The following GPC5 variants were observed in gnomAD, a reference collection of about 807,000 sequenced individuals.
GPC5 encodes glypican-5.
Under a neutral mutation model 53.9 loss-of-function variants are expected in GPC5, and 47 were observed. That is an observed-to-expected ratio of 0.87 (90% CI 0.69 to 1.11). The LOEUF (loss-of-function observed/expected upper bound fraction) is 1.11, where lower values mean the gene tolerates loss of function less well. Among genes scored for constraint, GPC5 ranks in the 50% most tolerant of loss-of-function variants. The pLI is 0.00. For missense variants in GPC5, 748 were observed against 713.1 expected, an observed-to-expected ratio of 1.05 and a Z score of -0.56; for synonymous variants, 286 against 263.3, an observed-to-expected ratio of 1.09 and a Z score of -0.84.
chr13:92,390,099 C>T (rs183774893), intron 7 of GPC5, among the ~76,000 whole-genome samples: 10 of 151,924 alleles, frequency 6.6e-5, no homozygotes, highest in South Asian at 4.1e-4. Context: ...TGGTCAAGAA[C>T]GAGAGAGAAA....
In GPC5 at chr13:92,771,306, T is replaced by A. The variant is rs746209560; in HGVS notation, c.1562-94976T>A. 3.9e-5 allele frequency among the ~76,000 whole-genome samples: 6 copies of A among 152,140 alleles called. No homozygotes were observed. The South Asian group carries it at 1.2e-3, about 31-fold the overall frequency. ...CCATCTCAAGAAATAGGATCTAGAC[T>A]TCTGGCCTACTCTATTTTTCAAAAG... On this transcript the variant is annotated intron_variant, in intron 7 of 7. Coordinates refer to ENST00000377067, the MANE Select transcript of GPC5 (RefSeq NM_004466.6).
chr13:91,730,966 T>C (rs983457419), intron 4 of GPC5, among the ~76,000 whole-genome samples: 7 of 150,636 alleles, frequency 4.6e-5, no homozygotes, highest in African/African-American at 1.3e-4. Context: ...GGCACAAATA[T>C]GTCTACTAAG....
chr13:91,581,909 C>A (rs993679858), intron 2 of GPC5, among the ~76,000 whole-genome samples: 1 of 152,136 alleles, frequency 6.6e-6, no homozygotes, highest in Admixed American at 6.6e-5. Context: ...CATTTACAAA[C>A]ATTTGCTTGA....
intron 6 of GPC5, among the ~76,000 whole-genome samples, chr13:91,999,479 C>T (rs1376899666): frequency 6.6e-6 from 1 of 152,130 alleles, no homozygotes; most frequent in Non-Finnish European, 1.5e-5. Flanking sequence ...GCTTAGTTGA[C>T]TTGTTCACAT....
At chr13:91,973,484 G>A (rs561317582) in intron 6 of GPC5, among the ~76,000 whole-genome samples, 37 of 152,280 alleles carry the variant, frequency 2.4e-4, no homozygotes, top group Non-Finnish European at 3.7e-4. Context: ...GTCATTCTCC[G>A]TCCAGCTTTG....
chr13:92,129,581 A>G (rs2041727124), intron 6 of GPC5, among the ~76,000 whole-genome samples: 1 of 152,214 alleles, frequency 6.6e-6, no homozygotes, highest in South Asian at 2.1e-4. Context: ...TAGAATAACC[A>G]TTGCTAATAT....
At chr13:92,376,503 C>T (rs1253669788) in intron 7 of GPC5, among the ~76,000 whole-genome samples, 1 of 152,130 alleles carries the variant, frequency 6.6e-6, no homozygotes, top group Non-Finnish European at 1.5e-5. Context: ...CTAGTGTCTG[C>T]ATAGAGGTTT....
At chr13:92,222,789 G>A (rs1201403154) in intron 7 of GPC5, among the ~76,000 whole-genome samples, 6 of 152,112 alleles carry the variant, frequency 3.9e-5, no homozygotes, top group Admixed American at 1.3e-4. Context: ...AATATTAATA[G>A]CATTGCTAAT....
At chr13:91,564,139 G>A (rs376505671) in intron 2 of GPC5, among the ~76,000 whole-genome samples, 67 of 152,256 alleles carry the variant, frequency 4.4e-4, no homozygotes, top group African/African-American at 1.6e-3. Context: ...CACGAAACAT[G>A]TGTCCTTTTG....
intron 6 of GPC5, among the ~76,000 whole-genome samples, chr13:92,050,989 C>T (rs1420167491): frequency 6.6e-6 from 1 of 152,116 alleles, no homozygotes; most frequent in African/African-American, 2.4e-5. Context: ...TAATAAACCT[C>T]ATTTTTTGTG....
At chr13:92,296,081 G>A (rs1285260863) in intron 7 of GPC5, among the ~76,000 whole-genome samples, 12 of 152,048 alleles carry the variant, frequency 7.9e-5, no homozygotes, top group Non-Finnish European at 1.8e-4. Flanking sequence ...GCTTTAGAGA[G>A]ATTCTATTTT....
chr13:92,144,075 A>G (rs897381880), intron 6 of GPC5, among the ~76,000 whole-genome samples: 4 of 152,170 alleles, frequency 2.6e-5, no homozygotes, highest in Non-Finnish European at 5.9e-5. Context: ...GAAATATTCT[A>G]TTTATAACAT....
intron 7 of GPC5, among the ~76,000 whole-genome samples, chr13:92,229,321 G>A (rs956230454): frequency 1.3e-5 from 2 of 151,866 alleles, no homozygotes; most frequent in Non-Finnish European, 2.9e-5. Flanking sequence ...AAGGTAAAGT[G>A]TTACTTTATC....
chr13:92,312,618 C>T (rs929474536), intron 7 of GPC5, among the ~76,000 whole-genome samples: 19 of 152,192 alleles, frequency 1.2e-4, no homozygotes, highest in Admixed American at 3.9e-4. Context: ...ATCAAGTCTT[C>T]CTCTCCTCTA....
At chr13:91,713,163 C>T (rs1312600146) in intron 3 of GPC5, among the ~76,000 whole-genome samples, 1 of 151,968 alleles carries the variant, frequency 6.6e-6, no homozygotes, top group Non-Finnish European at 1.5e-5. Context: ...TGCACTCTAG[C>T]CTGGGTGATA....
intron 7 of GPC5, among the ~76,000 whole-genome samples, chr13:92,461,258 C>T (rs1313308833): frequency 1.3e-5 from 2 of 152,032 alleles, no homozygotes; most frequent in South Asian, 2.1e-4. Context: ...ATTGATTCAA[C>T]GAATATGTAT....
chr13:91,577,342 C>T (rs1279117855), intron 2 of GPC5, among the ~76,000 whole-genome samples: 5 of 152,152 alleles, frequency 3.3e-5, no homozygotes, highest in South Asian at 2.1e-4. Flanking sequence ...AATATAATAT[C>T]GCAGTGGGGA....
intron 7 of GPC5, among the ~76,000 whole-genome samples, chr13:92,318,141 T>TA (rs1287121484): frequency 6.6e-6 from 1 of 152,186 alleles, no homozygotes; most frequent in Non-Finnish European, 1.5e-5. Flanking sequence ...TCTTTAAGTA[T>TA]AAAAATCAAC....
At chr13:92,575,524 T>C (rs1164441418) in intron 7 of GPC5, among the ~76,000 whole-genome samples, 1 of 152,118 alleles carries the variant, frequency 6.6e-6, no homozygotes, top group Non-Finnish European at 1.5e-5. Context: ...ACATCTGGCC[T>C]CCAGAACTGC....
Sources: allele counts gnomAD v4.1 joint callset (sites outside exome capture counted in the v4.1 genomes callset), GRCh38; gene constraint gnomAD v4.1.1; transcripts MANE v1.5; gene names NCBI Gene and HGNC (gene_info 2026-07-23, HGNC 2026-07-21).